The following VARS2 variants were observed in gnomAD, a reference collection of about 807,000 sequenced individuals.
The protein encoded by VARS2 is valine--tRNA ligase, mitochondrial.
In VARS2, 105 loss-of-function variants were observed where a neutral mutation model predicts 154.1. That is an observed-to-expected ratio of 0.68 (90% confidence interval 0.58 to 0.80). VARS2 has a LOEUF of 0.80. Among genes scored for constraint, VARS2 ranks in the 30% least tolerant of loss-of-function variants. VARS2 has a pLI of 0.00. For missense variants in VARS2, 1,157 were observed against 1,361.4 expected, an observed-to-expected ratio of 0.85 and a Z score of 2.36; for synonymous variants, 483 against 539.5, an observed-to-expected ratio of 0.90 and a Z score of 1.45.
rs928007347 is a variant in VARS2 at position 30,920,715 on chromosome 6, T to C, written c.1445T>C (p.Val482Ala). ...TACCTGCTGAAGAACCAGTGGTTTG[T>C]CCGCTGCCAGGAAATGGGGGCCCGA... Reference protein sequence around the residue: ...IEYLLKNQWFVRCQEMGARAA... With the variant: ...IEYLLKNQWFARCQEMGARAA... The change falls in exon 15 of 30, where the codon GTC becomes GCC. Residue 482 changes from valine (V) to alanine (A), a missense_variant. By Grantham distance (64) the Val-to-Ala change is moderately conservative (BLOSUM62 0). Transcript: ENST00000676266. This position sits in a 1 kb window ranked among gnomAD's most constrained non-coding sequence, Gnocchi z 4.6. 1 of 1,601,530 alleles carries C rather than the reference T, an allele frequency of 6.2e-7. No homozygotes were observed. Among genetic ancestry groups the C allele is most frequent in the Non-Finnish European group, 8.5e-7 (1 of 1,174,762 alleles).
intron 2 of VARS2, 55 bp downstream of exon 2, chr6:30,915,092 G>A (rs752093946): frequency 3.6e-5 from 58 of 1,611,256 alleles, no homozygotes; most frequent in Non-Finnish European, 4.8e-5. Flanking sequence ...GGGGCTGGAG[G>A]AGACCGGCTG....
Position 30,925,357 on chromosome 6 carries a change from G to A in VARS2, c.2757G>A (p.Thr919=), listed in dbSNP as rs369756821. The stretch of plus-strand genomic sequence containing the variant: ...AGGTGCTAAGGGCTCTCCGAGCCAC[G>A]TACCAGCTCACCAAAGCCCGGCCCC... ...VVQVLRALRA[T]YQLTKARPRV... The change falls in exon 27 of 30, where the codon ACG becomes ACA. Residue 919 remains threonine, a synonymous_variant. Coordinates refer to ENST00000676266, the MANE Select transcript of VARS2 (RefSeq NM_020442.6). The A allele has an allele frequency of 3.6e-5, 58 of 1,611,598 alleles. No homozygotes were observed. Among genetic ancestry groups the A allele is most frequent in the Non-Finnish European group, 4.4e-5 (52 of 1,179,262 alleles).
Position 30,919,647 on chromosome 6 carries a change from G to T in VARS2, c.1075-111G>T. ...TTAAGAGTTTGCTGACCTTGCTCTA[G>T]CTTGCTACCTTCCACTTTCTACCTT... On this transcript the variant is annotated intron_variant, in intron 11 of 29. Coordinates refer to ENST00000676266, the MANE Select transcript of VARS2 (RefSeq NM_020442.6). The surrounding 1 kb of genome is among the most constrained non-coding windows in gnomAD (Gnocchi z 4.5). The T allele has an allele frequency of 2.4e-6, 2 of 833,766 alleles. No homozygotes were observed. The highest frequency in any genetic ancestry group is 3.5e-6 in the Non-Finnish European group (2 of 565,390). 51.6% of individuals were successfully genotyped at this position (833,766 alleles called of 1,614,324 possible).
rs963260612 is a variant in VARS2, at chr6:30,919,398, G to T, written c.1075-360G>T. ...GACGGAGTGTCACTGTGTTAGCCAG[G>T]ATAGTCTCGATCTCCTGACCTCGTG... is the stretch of plus-strand genomic sequence containing the variant. On this transcript the variant is annotated intron_variant, in intron 11 of 29. Coordinates refer to ENST00000676266, the MANE Select transcript of VARS2 (RefSeq NM_020442.6). This position sits in a 1 kb window ranked among gnomAD's most constrained non-coding sequence, Gnocchi z 4.5. 9.2e-6 allele frequency: 2 copies of T among 217,896 alleles called. No homozygotes were observed. Among genetic ancestry groups the T allele is most frequent in the Non-Finnish European group, 1.8e-5 (2 of 111,460 alleles). 13.5% of individuals were successfully genotyped at this position (217,896 alleles called of 1,614,324 possible).
At chr6:30,915,502 T>A (rs553433480) in intron 4 of VARS2, 47 bp downstream of exon 4, 1 of 1,578,440 alleles carries the variant, frequency 6.3e-7, no homozygotes, top group South Asian at 1.1e-5. Context: ...CAGGACAGAG[T>A]GGCCCTTGAA....
Position 30,917,877 on chromosome 6 carries a change from TG to T in VARS2, c.985+72del. 1 of 1,453,078 alleles carries T rather than the reference TG, an allele frequency of 6.9e-7. No homozygotes were observed. The highest frequency in any genetic ancestry group is 9.4e-7 in the Non-Finnish European group (1 of 1,059,266). 90.0% of individuals were successfully genotyped at this position (1,453,078 alleles called of 1,614,324 possible). ...CTGTTTTCTGAAGCCCATGTTGGGC[TG>T]CTAGGAACCCATCAGTCCATCTCTC... On this transcript the variant is annotated intron_variant, in intron 10 of 29. Coordinates refer to ENST00000676266, the MANE Select transcript of VARS2 (RefSeq NM_020442.6). The surrounding 1 kb of genome is among the most constrained non-coding windows in gnomAD (Gnocchi z 4.4).
Position 30,920,372 on chromosome 6 carries a change from G to A in VARS2, c.1333G>A (p.Val445Met). 1 of 1,613,452 alleles carries A rather than the reference G, an allele frequency of 6.2e-7. No homozygotes were observed. The highest frequency in any genetic ancestry group is 8.5e-7 in the Non-Finnish European group (1 of 1,179,730). Residue 445 changes from valine to methionine, a missense_variant, in exon 14 of 30, where the codon GTG (valine) becomes ATG (methionine). Transcript: ENST00000676266. The surrounding 1 kb of genome is among the most constrained non-coding windows in gnomAD (Gnocchi z 4.6). ...RFVAREKIMS[V>M]LSEWGLFRGL... is the part of the protein sequence containing the mutation. ...TGTGGCCCGGGAAAAGATAATGTCT[G>A]TGCTGAGTGAATGGGGCCTGTTCCG...
chr6:30,921,552 C>T lies in VARS2; in HGVS notation c.1633-37C>T, dbSNP rs746997748. The T allele has an allele frequency of 3.8e-6, 6 of 1,578,046 alleles. No individual in the cohort carries two copies. In the African/African-American group the frequency reaches 8.0e-5, roughly 21 times the overall value. ...GTGACATTTACACCTGTCAGCTGTT[C>T]TTCCTCACTCTCCCCAACCCCTTCC... On this transcript the variant is annotated intron_variant, in intron 17 of 29. Coordinates refer to ENST00000676266, the MANE Select transcript of VARS2 (RefSeq NM_020442.6). The surrounding 1 kb of genome is among the most constrained non-coding windows in gnomAD (Gnocchi z 4.6).
At position 30,922,132 on chromosome 6, in the gene VARS2, G is replaced by T; in HGVS notation, c.1823G>T (p.Arg608Leu). 6.2e-7 allele frequency: 1 copy of T among 1,612,666 alleles called. No homozygotes were observed. Among genetic ancestry groups the T allele is most frequent in the Non-Finnish European group, 8.5e-7 (1 of 1,179,894 alleles). The change falls in exon 20 of 30, where the codon CGT becomes CTT. Residue 608 changes from arginine to leucine, a missense_variant. By Grantham distance (102) the Arg-to-Leu change is moderately radical. Coordinates refer to ENST00000676266, the MANE Select transcript of VARS2 (RefSeq NM_020442.6). ...GWPQETPDLA[R>L]FYPLSLLETG... ...TCCCCCTAGACCCCAGACCTTGCTC[G>T]TTTCTACCCCCTGTCACTTTTGGAA...
At position 30,922,251 on chromosome 6, in the gene VARS2, C is replaced by G; in HGVS notation, c.1932+10C>G. 1 of 1,607,910 alleles carries G rather than the reference C, an allele frequency of 6.2e-7. No homozygotes were observed. The highest frequency in any genetic ancestry group is 8.5e-7 in the Non-Finnish European group (1 of 1,177,694). ...GCTGCCCTTCAGCAAGGTAAGAGCC[C>G]TTCAGTGCCCTGCCGCTTTCTGTGA... On this transcript the variant is annotated intron_variant, in intron 20 of 29. Coordinates refer to ENST00000676266, the MANE Select transcript of VARS2 (RefSeq NM_020442.6).
intron 5 of VARS2, 31 bp from the exon 6 acceptor site, chr6:30,915,950 A>T: frequency 6.2e-7 from 1 of 1,613,952 alleles, no homozygotes; most frequent in Non-Finnish European, 8.5e-7. Flanking sequence ...ATTTAAGCTC[A>T]GGGGCTCACA....
intron 4 of VARS2, 83 bp from the exon 5 acceptor site, chr6:30,915,663 T>A: frequency 1.9e-6 from 3 of 1,578,908 alleles, no homozygotes; most frequent in Non-Finnish European, 2.6e-6. Context: ...TCCTTGAAGT[T>A]CTTTCTGTTC....
At chr6:30,926,073 A>G in intron 29 of VARS2, 36 bp from the exon 30 acceptor site, 4 of 1,612,988 alleles carry the variant, frequency 2.5e-6, no homozygotes, top group East Asian at 2.2e-5. Flanking sequence ...GAGGGGCCTC[A>G]TTCCTGGATC....
rs1794567313 is a variant in VARS2 at position 30,922,256 on chromosome 6, G to T, written c.1932+15G>T. The T allele has an allele frequency of 6.2e-7, 1 of 1,606,554 alleles. No homozygotes were observed. The highest frequency in any genetic ancestry group is 8.5e-7 in the Non-Finnish European group (1 of 1,177,078). Reference sequence around the variant, plus strand: ...CCTTCAGCAAGGTAAGAGCCCTTCAGTGCCCTGCCGCTTTCTGTGACTCCA... The same window carrying T: ...CCTTCAGCAAGGTAAGAGCCCTTCATTGCCCTGCCGCTTTCTGTGACTCCA... On this transcript the variant is annotated intron_variant, in intron 20 of 29. Coordinates refer to ENST00000676266, the MANE Select transcript of VARS2 (RefSeq NM_020442.6).
rs1562454103 is a variant in VARS2, at chr6:30,920,003, C to CTGGGGCAGTGCAGGTGA, written c.1166-80_1166-79insAGTGCAGGTGATGGGGC. 18 of 1,455,682 alleles carry CTGGGGCAGTGCAGGTGA rather than the reference C, an allele frequency of 1.2e-5. No individual in the cohort carries two copies. The highest frequency in any genetic ancestry group is 1.2e-4 in the South Asian group (8 of 67,342). 90.2% of individuals were successfully genotyped at this position (1,455,682 alleles called of 1,614,324 possible). A position where few individuals can be genotyped will look rare whatever the true frequency, so the allele number is the denominator to read the frequency against. ...GCACAGACAGAGAAAGTCGCAGGGGCTGGGGCGGTGCAGGTGATGATGATA... is the reference window on the plus strand; with the variant it reads ...GCACAGACAGAGAAAGTCGCAGGGGCTGGGGCAGTGCAGGTGATGGGGCGGTGCAGGTGATGATGATA... On this transcript the variant is annotated intron_variant, in intron 12 of 29. Transcript: ENST00000676266. This position sits in a 1 kb window ranked among gnomAD's most constrained non-coding sequence, Gnocchi z 4.6.
chr6:30,916,757 A>G lies in VARS2; in HGVS notation c.672-121A>G. ...CCATTTCTATTAGCCTCTAGAGGCTAGATCAATGCCATCCTCACTTGATTT... is the reference window on the plus strand; with the variant it reads ...CCATTTCTATTAGCCTCTAGAGGCTGGATCAATGCCATCCTCACTTGATTT... On this transcript the variant is annotated intron_variant, in intron 7 of 29. Coordinates refer to ENST00000676266, the MANE Select transcript of VARS2 (RefSeq NM_020442.6). The surrounding 1 kb of genome is among the most constrained non-coding windows in gnomAD (Gnocchi z 4.0). 1 of 943,896 alleles carries G rather than the reference A, an allele frequency of 1.1e-6. No individual in the cohort carries two copies. Among genetic ancestry groups the G allele is most frequent in the Non-Finnish European group, 1.7e-6 (1 of 586,252 alleles). 58.5% of individuals were successfully genotyped at this position (943,896 alleles called of 1,614,324 possible). A position where few individuals can be genotyped will look rare whatever the true frequency, so the allele number is the denominator to read the frequency against.
At position 30,920,471 on chromosome 6, in the gene VARS2, C is replaced by T; in HGVS notation, c.1397+35C>T. 1 of 1,567,504 alleles carries T rather than the reference C, an allele frequency of 6.4e-7. No individual in the cohort carries two copies. Among genetic ancestry groups the T allele is most frequent in the South Asian group, 1.2e-5 (1 of 83,628 alleles). ...TTTTAACTCCTTTACTAAGGGCTAC[C>T]CCAAAAGGGAATGTATGGAGCTTAA... On this transcript the variant is annotated intron_variant, in intron 14 of 29. Coordinates refer to ENST00000676266, the MANE Select transcript of VARS2 (RefSeq NM_020442.6). This position sits in a 1 kb window ranked among gnomAD's most constrained non-coding sequence, Gnocchi z 4.6.
chr6:30,922,784 C>A lies in VARS2; in HGVS notation c.2106+10C>A. 1 of 1,604,072 alleles carries A rather than the reference C, an allele frequency of 6.2e-7. No homozygotes were observed. Among genetic ancestry groups the A allele is most frequent in the East Asian group, 2.2e-5 (1 of 44,678 alleles). On this transcript the variant is annotated intron_variant, in intron 22 of 29. Transcript: ENST00000676266. ...TGTGGCTGCAGCACAGGTGAGTCAT[C>A]GCTGCCTGCCCCCCACCAGCTCTAG...
rs1426038888 is a variant in VARS2, at chr6:30,921,163, C to T, written c.1556+22C>T. The T allele has an allele frequency of 6.2e-7, 1 of 1,613,652 alleles. No individual in the cohort carries two copies. The highest frequency in any genetic ancestry group is 1.3e-5 in the African/African-American group (1 of 74,860). Reference sequence around the variant, plus strand: ...TTGGGTAAGGGTAGGGTAAGGGGAGCTCTTGTGGAGATGGGGAGGGGGGAC... The same window carrying T: ...TTGGGTAAGGGTAGGGTAAGGGGAGTTCTTGTGGAGATGGGGAGGGGGGAC... On this transcript the variant is annotated intron_variant, in intron 16 of 29. Coordinates refer to ENST00000676266, the MANE Select transcript of VARS2 (RefSeq NM_020442.6). The surrounding 1 kb of genome is among the most constrained non-coding windows in gnomAD (Gnocchi z 4.6).
Sources: gnomAD v4.1 joint callset for allele counts on GRCh38, gnomAD v4.1.1 for gene constraint, Gnocchi (gnomAD v3.1) non-coding constraint, MANE v1.5 for transcripts, NCBI Gene and HGNC (gene_info 2026-07-23, HGNC 2026-07-21) for gene names.